The following HIP1 variants were observed in gnomAD, a reference collection of about 807,000 sequenced individuals.
HIP1 encodes the protein huntingtin interacting protein 1.
HIP1 carries 65 observed loss-of-function variants against 147.6 expected under a neutral mutation model. That is an observed-to-expected ratio of 0.44 (90% CI 0.36 to 0.54). The LOEUF is 0.54. HIP1 is among the 20% of genes least tolerant of loss of function. HIP1 has a pLI of 0.00. For synonymous variants in HIP1, 479 were observed against 504.0 expected (o/e 0.95, Z 0.67); for missense variants, 1,061 against 1,299.6 (o/e 0.82, Z 2.82).
intron 13 of HIP1, among the ~76,000 whole-genome samples, chr7:75,560,236 TTC>T (rs1795176902): frequency 6.6e-6 from 1 of 151,882 alleles, no homozygotes. Context: ...CAGCTGTCTC[TTC>T]TCTTTTTTTT....
chr7:75,635,595 AAAG>A (rs1168731289), intron 1 of HIP1, among the ~76,000 whole-genome samples: 4 of 150,728 alleles, frequency 2.7e-5, no homozygotes, highest in Non-Finnish European at 3.0e-5. Context: ...AAAAAAAAAA[AAAG>A]AACAGCCACT....
intron 1 of HIP1, among the ~76,000 whole-genome samples, chr7:75,637,977 A>AACCCCCCCCC (rs1798483924): frequency 2.6e-5 from 1 of 38,636 alleles, no homozygotes; most frequent in Non-Finnish European, 4.8e-5. Context: ...GCAGACCCAG[A>AACCCCCCCCC]CCCCCCCCCC....
chr7:75,664,597 GA>G (rs534289022), intron 1 of HIP1, among the ~76,000 whole-genome samples: 15,787 of 129,084 alleles, frequency 0.12, 1,109 homozygotes, highest in East Asian at 0.2. Context: ...TATGTATAGG[GA>G]GAGAGAGAGA....
At chr7:75,571,685 C>T (rs1297509104) in intron 8 of HIP1, among the ~76,000 whole-genome samples, 4 of 152,156 alleles carry the variant, frequency 2.6e-5, no homozygotes, top group Admixed American at 2.0e-4. Flanking sequence ...TGGGCTCAAG[C>T]GATCCTCTCG....
chr7:75,612,821 A>ATAC (rs1463503825), intron 1 of HIP1, among the ~76,000 whole-genome samples: 1 of 151,694 alleles, frequency 6.6e-6, no homozygotes, highest in African/African-American at 2.4e-5. Flanking sequence ...AATAATAATA[A>ATAC]TAATAATTTT....
chr7:75,592,250 G>C, intron 3 of HIP1, 122 bp downstream of exon 3: 1 of 1,418,968 alleles, frequency 7.0e-7, no homozygotes, highest in Admixed American at 1.8e-5. Context: ...ACTCTAATGG[G>C]GAACCCAAAG....
At chr7:75,555,930 C>T in intron 18 of HIP1, 96 bp downstream of exon 18, 2 of 1,482,036 alleles carry the variant, frequency 1.3e-6, no homozygotes, top group African/African-American at 2.8e-5. Flanking sequence ...CAAACCCCTT[C>T]TCAGCAGCCC....
chr7:75,553,629 G>C (rs1554492569), intron 21 of HIP1, 40 bp from the exon 22 acceptor site: 1 of 1,593,234 alleles, frequency 6.3e-7, no homozygotes, highest in Non-Finnish European at 8.6e-7. Flanking sequence ...TTTTGAGATG[G>C]AGTCTCGCTC....
At chr7:75,618,143 C>G (rs1269460089) in intron 1 of HIP1, among the ~76,000 whole-genome samples, 1 of 152,098 alleles carries the variant, frequency 6.6e-6, no homozygotes, top group African/African-American at 2.4e-5. Context: ...GTTGCCCCAG[C>G]TTTCTTTCTT....
At position 75,538,078 on chromosome 7, in the gene HIP1, T is replaced by C. The variant is rs1554489113; in HGVS notation, c.*94A>G. 9.9e-7 allele frequency: 1 copy of C among 1,012,796 alleles called. No individual in the cohort carries two copies. 62.7% of individuals were successfully genotyped at this position (1,012,796 alleles called of 1,614,324 possible). The stretch of plus-strand genomic sequence containing the variant: ...GTAATGGCAGTGGTGTGGCTGCCCC[T>C]GGGACTCCAAGGATTTGGCCTGTGG... On this transcript the variant is annotated 3_prime_UTR_variant, in exon 31 of 31. Coordinates refer to ENST00000336926, the MANE Select transcript of HIP1 (RefSeq NM_005338.7).
At chr7:75,709,885 GTTTC>G (rs1350641220) in intron 1 of HIP1, among the ~76,000 whole-genome samples, 1 of 151,622 alleles carries the variant, frequency 6.6e-6, no homozygotes, top group Non-Finnish European at 1.5e-5. Context: ...GTGTTTTTTT[GTTTC>G]TTTGTTTTTG....
intron 1 of HIP1, among the ~76,000 whole-genome samples, chr7:75,723,953 G>T (rs544010182): frequency 0.2 from 22,751 of 113,788 alleles, 2,327 homozygotes; most frequent in African/African-American, 0.38. Flanking sequence ...TATATATAGA[G>T]AGAGAGAGAG....
chr7:75,538,442 G>A (rs1223206048), intron 30 of HIP1, among the ~76,000 whole-genome samples: 2 of 152,130 alleles, frequency 1.3e-5, no homozygotes, highest in Non-Finnish European at 1.5e-5. Flanking sequence ...AGTCTTGGCT[G>A]TGATCAAGTT....
chr7:75,659,953 C>T (rs187147991), intron 1 of HIP1, among the ~76,000 whole-genome samples: 3 of 151,530 alleles, frequency 2.0e-5, no homozygotes, highest in East Asian at 2.0e-4. Flanking sequence ...TGGTGAAACC[C>T]GGTCTCTACT....
intron 1 of HIP1, 48 bp from the exon 2 acceptor site, chr7:75,599,295 C>T: frequency 1.4e-6 from 2 of 1,436,886 alleles, no homozygotes; most frequent in Non-Finnish European, 2.0e-6. Flanking sequence ...ATGAATAAGC[C>T]TCTGAGAGTG....
chr7:75,688,400 G>A (rs1554517798), intron 1 of HIP1, among the ~76,000 whole-genome samples: 1 of 151,998 alleles, frequency 6.6e-6, no homozygotes, highest in Non-Finnish European at 1.5e-5. Flanking sequence ...GGGCTCCCAG[G>A]GGAGTCCATC....
intron 1 of HIP1, among the ~76,000 whole-genome samples, chr7:75,735,345 G>A (rs1175930356): frequency 6.6e-5 from 10 of 152,182 alleles, no homozygotes; most frequent in Admixed American, 6.5e-4. Flanking sequence ...TAACCTCTCT[G>A]TGCCTCAATC....
At chr7:75,670,983 C>T (rs1416241743) in intron 1 of HIP1, among the ~76,000 whole-genome samples, 1 of 152,060 alleles carries the variant, frequency 6.6e-6, no homozygotes, top group Non-Finnish European at 1.5e-5. Context: ...GGGAGTCATG[C>T]TGTATTTATC....
intron 1 of HIP1, among the ~76,000 whole-genome samples, chr7:75,717,677 A>AAAAAAAAAG (rs1554520738): frequency 2.3e-5 from 1 of 42,840 alleles, no homozygotes; most frequent in African/African-American, 1.2e-4. Flanking sequence ...CTAAAAATAC[A>AAAAAAAAAG]AAAAAAAAAA....
Sources: allele counts gnomAD v4.1 joint callset (sites outside exome capture counted in the v4.1 genomes callset), GRCh38; gene constraint gnomAD v4.1.1; transcripts MANE v1.5; gene names NCBI Gene and HGNC (gene_info 2026-07-23, HGNC 2026-07-21).